PHEX: variants seen among roughly 807,000 people sequenced by gnomAD.
The protein encoded by PHEX is phosphate-regulating neutral endopeptidase PHEX.
PHEX carries 16 observed loss-of-function variants against 68.0 expected under a neutral mutation model. That is an observed-to-expected ratio of 0.24 (90% CI 0.16 to 0.36). PHEX has a LOEUF of 0.36. PHEX is among the 10% of genes least tolerant of loss of function. PHEX has a pLI of 1.00. For missense variants in PHEX, 480 were observed against 575.5 expected (o/e 0.83, Z 1.70); for synonymous variants, 208 against 205.1 (o/e 1.01, Z -0.12).
chrX:22,099,315 T>C, intron 9 of PHEX, 164 bp downstream of exon 9: 1 of 492,205 alleles, frequency 2.0e-6, no homozygotes, highest in South Asian at 3.0e-5. Flanking sequence ...AAAAGCACTG[T>C]CTGGTGTAAT....
chrX:22,168,488 C>A, intron 13 of PHEX, 99 bp downstream of exon 13: 1 of 549,363 alleles, frequency 1.8e-6, no homozygotes, highest in Non-Finnish European at 3.3e-6. Flanking sequence ...ACTGGTGATG[C>A]CAGAAAACAC....
chrX:22,039,528 C>T (rs764379558), intron 2 of PHEX, among the ~76,000 whole-genome samples: 1 of 111,948 alleles, frequency 8.9e-6, no homozygotes, highest in Non-Finnish European at 1.9e-5. Flanking sequence ...CCAGGGCGGC[C>T]GGTCAGTCCA....
Position 22,108,648 on chromosome X carries a change from T to TA in PHEX, c.1080-2814dup, listed in dbSNP as rs111319464. On this transcript the variant is annotated intron_variant, in intron 9 of 21. Transcript: ENST00000379374. ...ACTGGCTTGTTTTCATTCAATATAT[T>TA]AAAAATAATCTCAGCTGATACGGTG... 4.2e-3 allele frequency among the ~76,000 whole-genome samples: 475 copies of TA among 111,924 alleles called. 3 individuals carry two copies. The highest frequency in any genetic ancestry group is 0.015 in the African/African-American group (454 of 30,775).
intron 3 of PHEX, among the ~76,000 whole-genome samples, chrX:22,057,926 T>C (rs892702030): frequency 1.8e-5 from 2 of 111,813 alleles, no homozygotes; most frequent in African/African-American, 6.5e-5. Context: ...AGTGGCTTTT[T>C]CTTCTCCGTT....
intron 3 of PHEX, among the ~76,000 whole-genome samples, chrX:22,054,203 C>G (rs1927969823): frequency 1.8e-5 from 2 of 111,626 alleles, no homozygotes; most frequent in African/African-American, 6.5e-5. Flanking sequence ...GGCACCATCT[C>G]ACCTCACTGC....
At position 22,228,065 on chromosome X, in the gene PHEX, C is replaced by T. The variant is rs190237686; in HGVS notation, c.2070+454C>T. Among the ~76,000 whole-genome samples the T allele has an allele frequency of 7.2e-5, 8 of 111,827 alleles. No individual in the cohort carries two copies. The East Asian group carries it at 2.3e-3, about 32-fold the overall frequency. ...TGTTCCCAACTGTCTAATGCATATGCAGAGACCCCTAGAGCTGAAAAAGAA... is the reference window on the plus strand; with the variant it reads ...TGTTCCCAACTGTCTAATGCATATGTAGAGACCCCTAGAGCTGAAAAAGAA... On this transcript the variant is annotated intron_variant, in intron 20 of 21. Transcript: ENST00000379374.
At chrX:22,143,837 T>C (rs982142632) in intron 12 of PHEX, among the ~76,000 whole-genome samples, 1 of 112,481 alleles carries the variant, frequency 8.9e-6, no homozygotes, top group African/African-American at 3.2e-5. Flanking sequence ...TTTCCTGTCT[T>C]CTCTGAACTT....
At chrX:22,137,195 G>A (rs948051065) in intron 12 of PHEX, among the ~76,000 whole-genome samples, 2 of 111,931 alleles carry the variant, frequency 1.8e-5, no homozygotes, top group Non-Finnish European at 3.8e-5. Context: ...ATCAGGAGGA[G>A]CAACTTCCTG....
At chrX:22,207,092 A>G (rs1934735661) in intron 15 of PHEX, among the ~76,000 whole-genome samples, 3 of 112,190 alleles carry the variant, frequency 2.7e-5, no homozygotes, top group Non-Finnish European at 5.6e-5. Flanking sequence ...AGCTCCAACT[A>G]GGTTACTCCA....
intron 18 of PHEX, among the ~76,000 whole-genome samples, chrX:22,224,849 G>A (rs1935392573): frequency 2.1e-5 from 1 of 46,986 alleles, no homozygotes; most frequent in Non-Finnish European, 3.9e-5. Context: ...GTAAAGTGTT[G>A]GTAAGATCCA....
chrX:22,132,729 G>T (rs1273378418), intron 11 of PHEX, among the ~76,000 whole-genome samples: 1 of 111,572 alleles, frequency 9.0e-6, no homozygotes, highest in African/African-American at 3.3e-5. Context: ...AAATTAGTTG[G>T]CACCTTGATA....
rs73636818 is a variant in PHEX at position 22,194,029 on chromosome X, G to T, written c.1645+3527G>T. The stretch of plus-strand genomic sequence containing the variant: ...CACTGAAGGCTTACTGCTCCTTGGG[G>T]TACTTAAGTGTGTCTAATAATAGTT... On this transcript the variant is annotated intron_variant, in intron 15 of 21. Coordinates refer to ENST00000379374, the MANE Select transcript of PHEX (RefSeq NM_000444.6). Among the ~76,000 whole-genome samples the T allele has an allele frequency of 6.1e-3, 684 of 111,356 alleles. 5 individuals carry two copies. Among genetic ancestry groups the T allele is most frequent in the African/African-American group, 0.021 (658 of 30,664 alleles).
intron 15 of PHEX, among the ~76,000 whole-genome samples, chrX:22,192,700 C>G (rs1934239872): frequency 9.0e-6 from 1 of 111,720 alleles, no homozygotes; most frequent in African/African-American, 3.3e-5. Flanking sequence ...CTCCCATTTC[C>G]TTCAAATCTT....
At chrX:22,201,836 A>G (rs906580273) in intron 15 of PHEX, among the ~76,000 whole-genome samples, 1 of 111,613 alleles carries the variant, frequency 9.0e-6, no homozygotes, top group African/African-American at 3.3e-5. Context: ...GACAGGATGT[A>G]AGCAAGCCAG....
rs765479131 is a variant in PHEX, at chrX:22,248,001, G to A, written c.*48G>A. Reference sequence around the variant, plus strand: ...CCTGAGACAGTTGCACAGTGCCAGCGGAGGCTGCACTGAGCCTTCATCGCC... The same window carrying A: ...CCTGAGACAGTTGCACAGTGCCAGCAGAGGCTGCACTGAGCCTTCATCGCC... On this transcript the variant is annotated 3_prime_UTR_variant, in exon 22 of 22. Transcript: ENST00000379374. The A allele has an allele frequency of 2.4e-5, 22 of 909,147 alleles. No homozygotes were observed. The highest frequency in any genetic ancestry group is 1.3e-4 in the Admixed American group (6 of 45,276). 74.9% of individuals were successfully genotyped at this position (909,147 alleles called of 1,213,427 possible). A position where few individuals can be genotyped will look rare whatever the true frequency, so the allele number is the denominator to read the frequency against.
intron 12 of PHEX, among the ~76,000 whole-genome samples, chrX:22,136,037 ATTTT>A (rs72378507): frequency 5.9e-5 from 6 of 101,425 alleles, no homozygotes; most frequent in East Asian, 3.1e-4. Context: ...GAAGATGTAA[ATTTT>A]TTTTTTTTTT....
At chrX:22,244,021 T>A (rs1177074197) in intron 20 of PHEX, among the ~76,000 whole-genome samples, 1 of 112,091 alleles carries the variant, frequency 8.9e-6, no homozygotes, top group Non-Finnish European at 1.9e-5. Context: ...TAGCAAAGAC[T>A]GGGAACCAAC....
chrX:22,226,173 G>T (rs1935487959), intron 18 of PHEX, among the ~76,000 whole-genome samples: 1 of 111,393 alleles, frequency 9.0e-6, no homozygotes, highest in Admixed American at 9.6e-5. Flanking sequence ...ACATTTTATT[G>T]GAGCTGGCTA....
intron 12 of PHEX, among the ~76,000 whole-genome samples, chrX:22,139,130 A>C (rs759979501): frequency 8.9e-6 from 1 of 111,909 alleles, no homozygotes; most frequent in South Asian, 3.8e-4. Flanking sequence ...TTTCACATCC[A>C]TAAACTGGGG....
Sources: gnomAD v4.1 joint callset for allele counts (sites outside exome capture counted in the v4.1 genomes callset) on GRCh38, gnomAD v4.1.1 for gene constraint, MANE v1.5 for transcripts, NCBI Gene and HGNC (gene_info 2026-07-23, HGNC 2026-07-21) for gene names.